RPGRIP1L: variants seen among roughly 807,000 people sequenced by gnomAD.
RPGRIP1L encodes RPGRIP1 like, also known as protein fantom.
In RPGRIP1L, 131 loss-of-function variants were observed where a neutral mutation model predicts 160.4. The ratio of observed to expected loss-of-function variants is 0.82; its 90% CI spans 0.71 to 0.94. The LOEUF (loss-of-function observed/expected upper bound fraction) is 0.94. RPGRIP1L is among the 40% of genes least tolerant of loss of function. RPGRIP1L has a pLI of 0.00. For missense variants in RPGRIP1L, 1,522 were observed against 1,535.8 expected, an observed-to-expected ratio of 0.99 and a Z score of 0.15; for synonymous variants, 510 against 515.8, an observed-to-expected ratio of 0.99 and a Z score of 0.15.
intron 15 of RPGRIP1L, among the ~76,000 whole-genome samples, chr16:53,651,781 G>T (rs528723029): frequency 1.3e-5 from 2 of 152,110 alleles, no homozygotes; most frequent in East Asian, 3.9e-4. Context: ...GGGTAGTTTT[G>T]TCTGTCTTAT....
At chr16:53,700,558 G>A in intron 2 of RPGRIP1L, 81 bp downstream of exon 2, 1 of 1,094,730 alleles carries the variant, frequency 9.1e-7, no homozygotes, top group Non-Finnish European at 1.4e-6. Flanking sequence ...GGTTTGGTTT[G>A]TATGAGTATA....
In RPGRIP1L at chr16:53,687,922, G is replaced by A; in HGVS notation, c.573C>T (p.Pro191=). 6.2e-7 allele frequency: 1 copy of A among 1,611,382 alleles called. No homozygotes were observed. The highest frequency in any genetic ancestry group is 8.5e-7 in the Non-Finnish European group (1 of 1,178,014). Residue 191 remains proline, a synonymous_variant, in exon 5 of 27, where the codon CCC becomes CCT. Coordinates refer to ENST00000647211, the MANE Select transcript of RPGRIP1L (RefSeq NM_015272.5). ...QDADVAETPH[P]MFTKYGNSLL... ...AACTGTTGCCATATTTTGTAAACAT[G>A]GGATGTGGAGTTTCTGCTACATCTG...
At chr16:53,624,251 A>G (rs184592649) in intron 22 of RPGRIP1L, among the ~76,000 whole-genome samples, 1 of 152,276 alleles carries the variant, frequency 6.6e-6, no homozygotes, top group Admixed American at 6.5e-5. Context: ...TTGCCTTCTC[A>G]TTTAAAAAAT....
At chr16:53,638,287 A>G (rs1334879632) in intron 20 of RPGRIP1L, 23 bp downstream of exon 20, 15 of 1,369,676 alleles carry the variant, frequency 1.1e-5, no homozygotes, top group Non-Finnish European at 1.5e-5. Flanking sequence ...ACCTTCCAAA[A>G]TAATTTTAAC....
chr16:53,648,999 T>C lies in RPGRIP1L; in HGVS notation c.2269A>G (p.Thr757Ala). The C allele has an allele frequency of 1.9e-6, 3 of 1,614,054 alleles. No homozygotes were observed. The highest frequency in any genetic ancestry group is 2.5e-6 in the Non-Finnish European group (3 of 1,179,958). Reference sequence around the variant, plus strand: ...TGCTCTGGCCCCTTAAAATTTGATGTTATATACCCCAAAGCCTTTGCCCTT... The same window carrying C: ...TGCTCTGGCCCCTTAAAATTTGATGCTATATACCCCAAAGCCTTTGCCCTT... ...RERAKALGYITSNFKGPEHMQ... is the reference protein window; with the variant it reads ...RERAKALGYIASNFKGPEHMQ... Residue 757 changes from threonine to alanine, a missense_variant, in exon 16 of 27, where the codon ACA becomes GCA. Physicochemically the swap from Thr to Ala is moderately conservative, Grantham distance 58. Transcript: ENST00000647211.
intron 26 of RPGRIP1L, among the ~76,000 whole-genome samples, chr16:53,605,167 T>C (rs1189375115): frequency 2.0e-5 from 3 of 151,852 alleles, no homozygotes; most frequent in Non-Finnish European, 2.9e-5. Context: ...AGCAAAACTC[T>C]GTCTCAGAAA....
In RPGRIP1L at chr16:53,601,957, G is replaced by T. The variant is rs886052091; in HGVS notation, c.*119C>A. The T allele has an allele frequency of 5.6e-6, 4 of 710,266 alleles. No homozygotes were observed. The highest frequency in any genetic ancestry group is 1.0e-5 in the Non-Finnish European group (4 of 390,398). 44.0% of individuals were successfully genotyped at this position (710,266 alleles called of 1,614,324 possible). On this transcript the variant is annotated 3_prime_UTR_variant, in exon 27 of 27. Coordinates refer to ENST00000647211, the MANE Select transcript of RPGRIP1L (RefSeq NM_015272.5). ...CAACACTTCAAACCCAGGTCTCCCC[G>T]CTCCCAGCTTCCCATGAATTATAGA...
At chr16:53,637,964 T>C (rs1965946516) in intron 20 of RPGRIP1L, 110 bp from the exon 21 acceptor site, 1 of 1,028,716 alleles carries the variant, frequency 9.7e-7, no homozygotes, top group Non-Finnish European at 1.5e-6. Flanking sequence ...GACTTAAATA[T>C]ACAGATATGT....
rs550505692 is a variant in RPGRIP1L at position 53,658,146 on chromosome 16, C to T, written c.1401+268G>A. On this transcript the variant is annotated intron_variant, in intron 12 of 26. Coordinates refer to ENST00000647211, the MANE Select transcript of RPGRIP1L (RefSeq NM_015272.5). ...ACGTTTGTTATAATTAAAGAAAGTG[C>T]TTTAAATGAGAGTTTTTGAGGTCTG... Among the ~76,000 whole-genome samples the T allele has an allele frequency of 2.0e-5, 3 of 152,112 alleles. No homozygotes were observed. The South Asian group carries it at 6.2e-4, about 32-fold the overall frequency.
intron 19 of RPGRIP1L, among the ~76,000 whole-genome samples, chr16:53,639,860 T>G (rs1013969441): frequency 2.0e-5 from 3 of 152,200 alleles, no homozygotes; most frequent in Admixed American, 1.3e-4. Flanking sequence ...ACATACATAT[T>G]AAATGCTCTG....
chr16:53,612,562 T>C (rs543651075), intron 24 of RPGRIP1L, among the ~76,000 whole-genome samples: 2 of 150,816 alleles, frequency 1.3e-5, no homozygotes, highest in East Asian at 3.9e-4. Flanking sequence ...GACTTCAGAG[T>C]TGTAAAGCTT....
intron 23 of RPGRIP1L, among the ~76,000 whole-genome samples, chr16:53,620,614 G>A (rs1964645809): frequency 6.6e-6 from 1 of 152,152 alleles, no homozygotes; most frequent in South Asian, 2.1e-4. Context: ...TGTCATTAAA[G>A]TGATGGTCTT....
chr16:53,676,091 C>T (rs1001268175), intron 6 of RPGRIP1L, among the ~76,000 whole-genome samples: 2 of 151,876 alleles, frequency 1.3e-5, no homozygotes, highest in South Asian at 4.2e-4. Context: ...TGTCATAATG[C>T]CCTACTGGAA....
chr16:53,625,759 A>G (rs1285384189), intron 22 of RPGRIP1L, among the ~76,000 whole-genome samples: 1 of 152,208 alleles, frequency 6.6e-6, no homozygotes, highest in Non-Finnish European at 1.5e-5. Flanking sequence ...CTGTGCAGAA[A>G]GAAGAAGACA....
chr16:53,667,829 T>A (rs538208592), intron 9 of RPGRIP1L, among the ~76,000 whole-genome samples: 1 of 151,850 alleles, frequency 6.6e-6, no homozygotes, highest in East Asian at 1.9e-4. Context: ...GCCAAGACCA[T>A]GCCACTATGC....
At position 53,623,487 on chromosome 16, in the gene RPGRIP1L, G is replaced by A. The variant is rs544074077; in HGVS notation, c.3295-1131C>T. Among the ~76,000 whole-genome samples the A allele has an allele frequency of 7.8e-4, 119 of 152,190 alleles. 1 individual carries two copies. The highest frequency in any genetic ancestry group is 2.1e-3 in the African/African-American group (88 of 41,518). On this transcript the variant is annotated intron_variant, in intron 22 of 26. Coordinates refer to ENST00000647211, the MANE Select transcript of RPGRIP1L (RefSeq NM_015272.5). ...AAAACCAATCAAATATCATCTTTCC[G>A]CCTGAAAATATTCCTATTGCCTTAC... is the stretch of plus-strand genomic sequence containing the variant.
intron 22 of RPGRIP1L, among the ~76,000 whole-genome samples, chr16:53,629,219 T>C (rs1965360460): frequency 6.6e-6 from 1 of 152,214 alleles, no homozygotes; most frequent in Non-Finnish European, 1.5e-5. Flanking sequence ...TTAATTTATC[T>C]AGGTGGAGCC....
chr16:53,655,833 G>C (rs1158261361), intron 14 of RPGRIP1L, among the ~76,000 whole-genome samples: 3 of 152,170 alleles, frequency 2.0e-5, no homozygotes, highest in Non-Finnish European at 4.4e-5. Context: ...TTCAAGTAGA[G>C]GGATCGCTAG....
In RPGRIP1L at chr16:53,695,658, TAG is replaced by T. The variant is rs1970698635; in HGVS notation, c.230+491_230+492del. ...GACAATACTGTTTCTTCAGAAACAGTAGAGACTCTTTGAAATCAATATAGAAT... is the reference window on the plus strand; with the variant it reads ...GACAATACTGTTTCTTCAGAAACAGTAGACTCTTTGAAATCAATATAGAAT... On this transcript the variant is annotated intron_variant, in intron 3 of 26. Coordinates refer to ENST00000647211, the MANE Select transcript of RPGRIP1L (RefSeq NM_015272.5). 1.7e-5 allele frequency: 9 copies of T among 541,410 alleles called. No individual in the cohort carries two copies. In the South Asian group the frequency reaches 2.0e-4, roughly 12 times the overall value. The allele number at this position is 541,410 out of a possible 1,614,324, so 33.5% of individuals were successfully genotyped here.
Sources: gnomAD v4.1 joint callset for allele counts (sites outside exome capture counted in the v4.1 genomes callset) on GRCh38, gnomAD v4.1.1 for gene constraint, MANE v1.5 for transcripts, NCBI Gene and HGNC (gene_info 2026-07-23, HGNC 2026-07-21) for gene names.